DST: variants seen among roughly 807,000 people sequenced by gnomAD.
DST encodes the protein bullous pemphigoid antigen.
A neutral mutation model predicts 875.2 loss-of-function variants in DST; 253 were observed. The observed-to-expected ratio is 0.29, with a 90% confidence interval of 0.26 to 0.32. The LOEUF is 0.32. Among genes scored for constraint, DST ranks in the 10% least tolerant of loss-of-function variants. The pLI is 1.00. For missense variants in DST, 8,287 were observed against 9,111.6 expected, an observed-to-expected ratio of 0.91 and a Z score of 3.68; for synonymous variants, 3,124 against 3,197.1, an observed-to-expected ratio of 0.98 and a Z score of 0.77.
Position 56,469,677 on chromosome 6 carries a change from G to A in DST, c.22551+206C>T, listed in dbSNP as rs564335180. On this transcript the variant is annotated intron_variant, in intron 97 of 103. Transcript: ENST00000680361. ...TAAAGGTAATGTGCATGATGTAGAT[G>A]TCAAAGATATTTCCTAATATGCAAA... 2.0e-5 allele frequency among the ~76,000 whole-genome samples: 3 copies of A among 152,204 alleles called. No homozygotes were observed. The South Asian group carries it at 6.2e-4, about 32-fold the overall frequency.
At chr6:56,633,082 G>A (rs1014473327) in intron 27 of DST, 45 bp from the exon 28 acceptor site, 4 of 1,530,342 alleles carry the variant, frequency 2.6e-6, no homozygotes, top group African/African-American at 1.4e-5. Flanking sequence ...ATTACTCATA[G>A]ATTTGAATGG....
intron 2 of DST, among the ~76,000 whole-genome samples, chr6:56,901,149 T>C (rs942134618): frequency 6.6e-6 from 1 of 152,150 alleles, no homozygotes; most frequent in Non-Finnish European, 1.5e-5. Flanking sequence ...ACAAAGGGTA[T>C]GGGTTTGGGC....
At chr6:56,783,711 T>A (rs2099699149) in intron 4 of DST, among the ~76,000 whole-genome samples, 1 of 152,162 alleles carries the variant, frequency 6.6e-6, no homozygotes, top group African/African-American at 2.4e-5. Flanking sequence ...ATTGGAGCAT[T>A]TAGTCCATTT....
At chr6:56,826,810 A>G (rs939055623) in intron 4 of DST, among the ~76,000 whole-genome samples, 1 of 152,190 alleles carries the variant, frequency 6.6e-6, no homozygotes, top group Non-Finnish European at 1.5e-5. Context: ...AATTCTACCC[A>G]CAGGAAAGAT....
intron 84 of DST, 73 bp from the exon 85 acceptor site, chr6:56,492,506 A>G: frequency 7.1e-7 from 1 of 1,403,896 alleles, no homozygotes; most frequent in East Asian, 2.3e-5. Context: ...TTCTGGTGTC[A>G]TAAACCTGAA....
intron 2 of DST, among the ~76,000 whole-genome samples, chr6:56,902,041 CTTAG>C (rs907056119): frequency 1.3e-5 from 2 of 152,120 alleles, no homozygotes; most frequent in Non-Finnish European, 2.9e-5. Flanking sequence ...TTACATTTGG[CTTAG>C]TTGAGTGGGT....
At chr6:56,824,283 T>C (rs1359790247) in intron 4 of DST, among the ~76,000 whole-genome samples, 1 of 152,216 alleles carries the variant, frequency 6.6e-6, no homozygotes, top group Non-Finnish European at 1.5e-5. Context: ...GGTGCCGGGA[T>C]TGCAGACGGA....
At position 56,552,296 on chromosome 6, in the gene DST, C is replaced by A; in HGVS notation, c.16496G>T (p.Ser5499Ile). 9.9e-6 allele frequency: 16 copies of A among 1,613,944 alleles called. No individual in the cohort carries two copies. Among genetic ancestry groups the A allele is most frequent in the Non-Finnish European group, 1.4e-5 (16 of 1,179,880 alleles). ...GTIKRLEEFY[S>I]KLKEFSILLQ... ...CAGAATAGAAAATTCTTTCAATTTGCTGTAAAATTCTTCAAGGCGCTTAAT... is the reference window on the plus strand; with the variant it reads ...CAGAATAGAAAATTCTTTCAATTTGATGTAAAATTCTTCAAGGCGCTTAAT... Residue 5499 changes from serine to isoleucine, a missense_variant, in exon 61 of 104, where the codon AGC becomes ATC. Coordinates refer to ENST00000680361, the MANE Select transcript of DST (RefSeq NM_001374736.1).
intron 10 of DST, among the ~76,000 whole-genome samples, chr6:56,653,510 C>T (rs946520828): frequency 6.6e-6 from 1 of 151,932 alleles, no homozygotes; most frequent in African/African-American, 2.4e-5. Context: ...CATGGCGAAA[C>T]CCTGTCTCTA....
rs145909819 is a variant in DST, at chr6:56,828,807, G to A, written c.625+22590C>T. Among the ~76,000 whole-genome samples the A allele has an allele frequency of 6.7e-3, 1,019 of 152,192 alleles. 4 individuals carry two copies. The highest frequency in any genetic ancestry group is 9.5e-3 in the Non-Finnish European group (648 of 68,002). ...TGGGCAGGTGGGAGAGCAGAATCAG[G>A]GTTACAAACAGAACTACCCAAGAGT... On this transcript the variant is annotated intron_variant, in intron 4 of 103. Transcript: ENST00000680361.
intron 48 of DST, among the ~76,000 whole-genome samples, chr6:56,593,221 A>C (rs1284685794): frequency 6.6e-6 from 1 of 152,156 alleles, no homozygotes; most frequent in East Asian, 1.9e-4. Context: ...GCAGGTGAAT[A>C]AGATAGAGAG....
At chr6:56,792,098 C>A (rs76075415) in intron 4 of DST, among the ~76,000 whole-genome samples, 1,604 of 151,298 alleles carry the variant, frequency 0.011, 32 homozygotes, top group African/African-American at 0.036. Context: ...CTGCCACTAG[C>A]CAAACTTGGG....
At chr6:56,844,691 G>A (rs2127561742) in intron 4 of DST, among the ~76,000 whole-genome samples, 1 of 152,124 alleles carries the variant, frequency 6.6e-6, no homozygotes, top group African/African-American at 2.4e-5. Context: ...TGGCCAAAAT[G>A]GTGAAATCCC....
rs1291588604 is a variant in DST, at chr6:56,473,858, T to C, written c.21994+15A>G. The C allele has an allele frequency of 1.9e-6, 3 of 1,583,440 alleles. No homozygotes were observed. Among genetic ancestry groups the C allele is most frequent in the South Asian group, 1.2e-5 (1 of 83,842 alleles). ...CTTATTTATTGACATTTTAAAGAAA[T>C]TGATCACTGCTTACTTCCTGCTCGT... On this transcript the variant is annotated intron_variant, in intron 93 of 103. Transcript: ENST00000680361.
At chr6:56,510,247 T>C (rs1009123651) in intron 73 of DST, among the ~76,000 whole-genome samples, 1 of 152,202 alleles carries the variant, frequency 6.6e-6, no homozygotes, top group Non-Finnish European at 1.5e-5. Context: ...TCAAGTTCAA[T>C]AAGCTGAGTA....
intron 32 of DST, among the ~76,000 whole-genome samples, chr6:56,628,756 G>A (rs79937275): frequency 0.016 from 2,413 of 152,198 alleles, 36 homozygotes; most frequent in Middle Eastern, 0.031. Context: ...GAAAGGACAC[G>A]AATTCATTTA....
intron 61 of DST, among the ~76,000 whole-genome samples, chr6:56,542,105 C>A (rs933093809): frequency 2.0e-5 from 3 of 152,268 alleles, no homozygotes; most frequent in Admixed American, 2.0e-4. Context: ...ATAAACCATG[C>A]TCCAGAAATT....
chr6:56,895,133 C>T (rs1225241629), intron 3 of DST, among the ~76,000 whole-genome samples: 11 of 84,386 alleles, frequency 1.3e-4, no homozygotes, highest in East Asian at 3.5e-4. Context: ...ACCTCCCGGA[C>T]GGGGAGGCTG....
chr6:56,651,314 T>C, intron 10 of DST, 70 bp from the exon 11 acceptor site: 1 of 927,486 alleles, frequency 1.1e-6, no homozygotes, highest in South Asian at 2.0e-5. Context: ...ATTATATAGG[T>C]TTCCATTTAC....
Sources: gnomAD v4.1 joint callset for allele counts (sites outside exome capture counted in the v4.1 genomes callset) on GRCh38, gnomAD v4.1.1 for gene constraint, MANE v1.5 for transcripts, NCBI Gene and HGNC (gene_info 2026-07-23, HGNC 2026-07-21) for gene names.